The following BABAM2 variants were observed in gnomAD, a reference collection of about 807,000 sequenced individuals.
BABAM2 encodes the protein BRISC and BRCA1 A complex member 2.
Under a neutral mutation model 54.7 loss-of-function variants are expected in BABAM2, and 31 were observed. The ratio of observed to expected loss-of-function variants is 0.57; its 90% CI spans 0.43 to 0.77. The LOEUF is 0.77. BABAM2 is among the 30% of genes least tolerant of loss of function. The pLI, the probability that BABAM2 is intolerant of heterozygous loss-of-function variation, is 0.00. For missense variants in BABAM2, 364 were observed against 455.8 expected, an observed-to-expected ratio of 0.80 and a Z score of 1.83; for synonymous variants, 167 against 162.9, an observed-to-expected ratio of 1.03 and a Z score of -0.19.
intron 6 of BABAM2, among the ~76,000 whole-genome samples, chr2:28,060,485 G>T (rs1678771471): frequency 6.6e-6 from 1 of 152,170 alleles, no homozygotes; most frequent in Admixed American, 6.5e-5. Context: ...TACTGGGGGG[G>T]CCTGGCCAGA....
In BABAM2 at chr2:28,289,255, A is replaced by C. The variant is rs182730777; in HGVS notation, c.935-9083A>C. 7.3e-3 allele frequency among the ~76,000 whole-genome samples: 1,105 copies of C among 152,152 alleles called. 10 individuals carry two copies. The highest frequency in any genetic ancestry group is 0.025 in the African/African-American group (1,047 of 41,518). On this transcript the variant is annotated intron_variant, in intron 10 of 11. Transcript: ENST00000379624. ...GATTTTCTCAATAGCTTTACCACCT[A>C]GTATATATCCATAAAAATATATCAT...
At chr2:27,942,457 C>A (rs1392391813) in intron 3 of BABAM2, among the ~76,000 whole-genome samples, 1 of 151,898 alleles carries the variant, frequency 6.6e-6, no homozygotes, top group Non-Finnish European at 1.5e-5. Flanking sequence ...GCCTCCCTGG[C>A]TCAAGCAATC....
At chr2:27,973,411 G>A (rs953602491) in intron 3 of BABAM2, among the ~76,000 whole-genome samples, 1 of 151,878 alleles carries the variant, frequency 6.6e-6, no homozygotes, top group African/African-American at 2.4e-5. Flanking sequence ...ATAGAAAGGG[G>A]GACTCTTCAG....
At chr2:28,289,104 C>T (rs1687070126) in intron 10 of BABAM2, among the ~76,000 whole-genome samples, 1 of 151,906 alleles carries the variant, frequency 6.6e-6, no homozygotes, top group African/African-American at 2.4e-5. Flanking sequence ...AACATATCCA[C>T]ACACTTTAAA....
intron 4 of BABAM2, among the ~76,000 whole-genome samples, chr2:28,005,790 A>G (rs1263848368): frequency 1.3e-5 from 2 of 152,128 alleles, no homozygotes; most frequent in African/African-American, 2.4e-5. Context: ...TCTCGTTTCA[A>G]TAATTGCCAC....
chr2:28,162,238 A>G (rs569564021), intron 7 of BABAM2, among the ~76,000 whole-genome samples: 2 of 152,316 alleles, frequency 1.3e-5, no homozygotes, highest in Admixed American at 6.5e-5. Flanking sequence ...CCTGCAGCGC[A>G]TACCTCACAC....
At chr2:28,094,708 G>A (rs558048155) in intron 6 of BABAM2, among the ~76,000 whole-genome samples, 72 of 150,986 alleles carry the variant, frequency 4.8e-4, no homozygotes, top group South Asian at 8.5e-4. Flanking sequence ...TTCCCTTTCC[G>A]GTTCTCTATA....
intron 6 of BABAM2, among the ~76,000 whole-genome samples, chr2:28,064,440 G>A (rs777142361): frequency 1.6e-4 from 25 of 152,194 alleles, no homozygotes; most frequent in Non-Finnish European, 3.4e-4. Flanking sequence ...CAACTTAAAT[G>A]AAGTTAAGCA....
intron 10 of BABAM2, among the ~76,000 whole-genome samples, chr2:28,285,767 G>C (rs1277297507): frequency 1.3e-5 from 2 of 151,100 alleles, no homozygotes; most frequent in African/African-American, 2.4e-5. Context: ...ACGGGATCTT[G>C]CTATGTTGCC....
intron 11 of BABAM2, among the ~76,000 whole-genome samples, chr2:28,333,225 G>T (rs1691118097): frequency 6.6e-6 from 1 of 152,122 alleles, no homozygotes. Context: ...CCGCCTTTTA[G>T]ATGAAGAAAC....
intron 3 of BABAM2, among the ~76,000 whole-genome samples, chr2:27,983,921 C>T (rs1356753852): frequency 1.0e-4 from 4 of 39,302 alleles, no homozygotes; most frequent in African/African-American, 3.5e-4. Context: ...TGCTTTTTTC[C>T]AATGTAGATA....
In BABAM2 at chr2:27,894,663, G is replaced by A; in HGVS notation, c.107G>A (p.Arg36Lys). Residue 36 changes from arginine to lysine, a missense_variant, in exon 2 of 12, where the codon AGG (arginine) becomes AAG (lysine). Physicochemically the swap from Arg to Lys is conservative, Grantham distance 26 (BLOSUM62 2). Transcript: ENST00000379624. ...GGACTGGATGCTACAAACTGTTTGA[G>A]GATAACTGACTTAAAATCTGGGTAT... ...KVGLDATNCL[R>K]ITDLKSGCTS... 6.2e-7 allele frequency: 1 copy of A among 1,614,054 alleles called. No homozygotes were observed. Among genetic ancestry groups the A allele is most frequent in the African/African-American group, 1.3e-5 (1 of 74,996 alleles).
At chr2:28,317,443 C>T (rs1689652973) in intron 11 of BABAM2, among the ~76,000 whole-genome samples, 1 of 152,194 alleles carries the variant, frequency 6.6e-6, no homozygotes, top group East Asian at 1.9e-4. Context: ...AGAGGAATCA[C>T]TTTGTTCAAT....
intron 7 of BABAM2, among the ~76,000 whole-genome samples, chr2:28,139,257 G>A (rs186455391): frequency 7.7e-4 from 112 of 144,768 alleles, no homozygotes; most frequent in Admixed American, 2.1e-3. Context: ...AGAGGTGGAG[G>A]TTGCAGTAAG....
intron 2 of BABAM2, among the ~76,000 whole-genome samples, chr2:27,903,726 A>C (rs894151977): frequency 6.6e-6 from 1 of 152,212 alleles, no homozygotes; most frequent in Non-Finnish European, 1.5e-5. Flanking sequence ...CTGAGCACGT[A>C]GCATACGCTG....
chr2:28,319,851 C>T (rs1689875685), intron 11 of BABAM2, among the ~76,000 whole-genome samples: 1 of 152,212 alleles, frequency 6.6e-6, no homozygotes, highest in Non-Finnish European at 1.5e-5. Flanking sequence ...ACTTGCAGCA[C>T]AGAGAAATGT....
intron 6 of BABAM2, among the ~76,000 whole-genome samples, chr2:28,063,546 C>A (rs771432986): frequency 7.9e-5 from 12 of 152,252 alleles, no homozygotes; most frequent in Admixed American, 4.6e-4. Context: ...TACTCAGTAA[C>A]CACATTTGGC....
chr2:28,051,795 C>T (rs1048927949), intron 6 of BABAM2, among the ~76,000 whole-genome samples: 4 of 151,938 alleles, frequency 2.6e-5, no homozygotes. Flanking sequence ...ATTACAGGCT[C>T]CTGCCACCAG....
chr2:27,929,102 C>CA (rs1314092359), intron 2 of BABAM2, among the ~76,000 whole-genome samples: 1 of 150,930 alleles, frequency 6.6e-6, no homozygotes, highest in Non-Finnish European at 1.5e-5. Context: ...CCTGTGGTCC[C>CA]AGCTGCTTGG....
Sources: gnomAD v4.1 joint callset for allele counts (sites outside exome capture counted in the v4.1 genomes callset) on GRCh38, gnomAD v4.1.1 for gene constraint, MANE v1.5 for transcripts, NCBI Gene and HGNC (gene_info 2026-07-23, HGNC 2026-07-21) for gene names.